APP: variants seen among roughly 807,000 people sequenced by gnomAD.
The protein encoded by APP is amyloid-beta precursor protein.
In APP, 31 loss-of-function variants were observed where a neutral mutation model predicts 101.4. The observed-to-expected ratio is 0.31, with a 90% CI of 0.23 to 0.41. The LOEUF is 0.41. APP is among the 10% of genes least tolerant of loss of function. The probability of loss-of-function intolerance (pLI) is 1.00; values close to 1 mark genes in which losing one functional copy is unlikely to be tolerated. For missense variants in APP, 839 were observed against 1,003.7 expected (o/e 0.84, Z 2.22); for synonymous variants, 366 against 364.4 (o/e 1.00, Z -0.05).
chr21:26,015,940 A>G (rs541907661), intron 6 of APP, among the ~76,000 whole-genome samples: 94 of 152,308 alleles, frequency 6.2e-4, no homozygotes, highest in Non-Finnish European at 1.1e-3. Context: ...GCCTAATAAA[A>G]CTTTTGTGTA....
At chr21:25,907,698 T>C (rs1010008993) in intron 14 of APP, among the ~76,000 whole-genome samples, 1 of 152,232 alleles carries the variant, frequency 6.6e-6, no homozygotes, top group South Asian at 2.1e-4. Context: ...ACTTCTGGTA[T>C]TCTTTGTAAT....
intron 6 of APP, among the ~76,000 whole-genome samples, chr21:26,004,717 T>C (rs1226373513): frequency 6.6e-6 from 1 of 152,194 alleles, no homozygotes; most frequent in African/African-American, 2.4e-5. Context: ...GTTTGTTACA[T>C]AGGTATACAT....
intron 11 of APP, among the ~76,000 whole-genome samples, chr21:25,960,740 CAAGCCTTTTCTTCCT>C (rs1194732751): frequency 6.6e-6 from 1 of 152,126 alleles, no homozygotes; most frequent in Non-Finnish European, 1.5e-5. Context: ...TACATAAACA[CAAGCCTTTTCTTCCT>C]AATGCCTATT....
At chr21:26,013,559 TTTAA>T (rs1320825477) in intron 6 of APP, among the ~76,000 whole-genome samples, 17 of 152,248 alleles carry the variant, frequency 1.1e-4, no homozygotes, top group Admixed American at 2.6e-4. Flanking sequence ...GTTTCTGGCC[TTTAA>T]TTAAATTGGA....
intron 13 of APP, among the ~76,000 whole-genome samples, chr21:25,953,837 G>C (rs936639877): frequency 3.9e-5 from 6 of 152,190 alleles, no homozygotes; most frequent in South Asian, 4.1e-4. Flanking sequence ...AAGACAGTGG[G>C]CACACAAGGT....
At chr21:26,055,137 T>C (rs2045988605) in intron 3 of APP, among the ~76,000 whole-genome samples, 1 of 152,152 alleles carries the variant, frequency 6.6e-6, no homozygotes, top group South Asian at 2.1e-4. Flanking sequence ...GCAAAAATTA[T>C]GAGACATGGT....
At position 25,892,248 on chromosome 21, in the gene APP, A is replaced by G. The variant is rs539383436; in HGVS notation, c.2065-380T>C. On this transcript the variant is annotated intron_variant, in intron 16 of 17. Coordinates refer to ENST00000346798, the MANE Select transcript of APP (RefSeq NM_000484.4). ...TGGTGGGAAGATAGCGCTTGGATCT[A>G]TCAAAAGCTGGAAAGGCACGATCAT... Among the ~76,000 whole-genome samples, 62 of 152,258 alleles carry G rather than the reference A, an allele frequency of 4.1e-4. 1 individual carries two copies. Among genetic ancestry groups the G allele is most frequent in the African/African-American group, 1.3e-3 (53 of 41,556 alleles).
intron 13 of APP, among the ~76,000 whole-genome samples, chr21:25,936,748 T>C (rs1227708572): frequency 6.6e-6 from 1 of 152,214 alleles, no homozygotes; most frequent in Non-Finnish European, 1.5e-5. Context: ...CAGTCTGTGG[T>C]ATTTTGGTAT....
chr21:25,982,438 T>G lies in APP; in HGVS notation c.1130A>C (p.Lys377Thr). 2 of 1,613,864 alleles carry G rather than the reference T, an allele frequency of 1.2e-6. No individual in the cohort carries two copies. Among genetic ancestry groups the G allele is most frequent in the Non-Finnish European group, 1.7e-6 (2 of 1,179,858 alleles). The change falls in exon 9 of 18, where the codon AAG (lysine) becomes ACG (threonine). Residue 377 changes from lysine (K) to threonine (T), a missense_variant. By Grantham distance (78) the Lys-to-Thr change is moderately conservative. Transcript: ENST00000346798. ...TAASTPDAVD[K>T]YLETPGDENE... is the part of the protein sequence containing the mutation. Reference sequence around the variant, plus strand: ...CTCATCCCCAGGTGTCTCGAGATACTTGTCAACGGCATCAGGGGTACTGGC... The same window carrying G: ...CTCATCCCCAGGTGTCTCGAGATACGTGTCAACGGCATCAGGGGTACTGGC...
rs903230735 is a variant in APP, at chr21:26,000,734, T to C, written c.866-552A>G. 2.6e-5 allele frequency among the ~76,000 whole-genome samples: 4 copies of C among 152,188 alleles called. No individual in the cohort carries two copies. In the East Asian group the frequency reaches 7.7e-4, roughly 29 times the overall value. ...TGGAAACACATGTCATATCTGTAAA[T>C]GTGACTTATACTCAATGACATTAAC... On this transcript the variant is annotated intron_variant, in intron 6 of 17. Coordinates refer to ENST00000346798, the MANE Select transcript of APP (RefSeq NM_000484.4).
At chr21:26,052,867 A>C (rs1459289788) in intron 4 of APP, among the ~76,000 whole-genome samples, 1 of 152,220 alleles carries the variant, frequency 6.6e-6, no homozygotes, top group African/African-American at 2.4e-5. Flanking sequence ...TAACTATTAG[A>C]GATTATATTT....
At chr21:26,002,385 T>TGA (rs202123731) in intron 6 of APP, among the ~76,000 whole-genome samples, 22 of 1,794 alleles carry the variant, frequency 0.012, no homozygotes, top group East Asian at 0.038. Flanking sequence ...ATTGACATTG[T>TGA]GGATCCCATC....
chr21:26,136,121 ACT>A (rs1157668162), intron 1 of APP, among the ~76,000 whole-genome samples: 1 of 135,528 alleles, frequency 7.4e-6, no homozygotes, highest in Admixed American at 8.0e-5. Context: ...ACAGAGTGAG[ACT>A]CTGTCTCAAA....
intron 6 of APP, among the ~76,000 whole-genome samples, chr21:26,017,172 C>G (rs1463946297): frequency 8.7e-6 from 1 of 115,244 alleles, no homozygotes; most frequent in African/African-American, 3.6e-5. Context: ...ACACTCCAGC[C>G]TGGGTGACAG....
At chr21:26,166,584 T>C (rs2063615151) in intron 1 of APP, among the ~76,000 whole-genome samples, 1 of 152,114 alleles carries the variant, frequency 6.6e-6, no homozygotes. Context: ...ACAAAGCCAG[T>C]TGAGATCTTT....
intron 16 of APP, 109 bp from the exon 17 acceptor site, chr21:25,891,977 A>T: frequency 1.8e-6 from 2 of 1,121,466 alleles, no homozygotes; most frequent in Non-Finnish European, 2.5e-6. Context: ...GGACATTTGG[A>T]TGAGGTTATA....
chr21:26,135,949 C>A (rs1356387605), intron 1 of APP, among the ~76,000 whole-genome samples: 2 of 151,502 alleles, frequency 1.3e-5, no homozygotes, highest in East Asian at 3.9e-4. Context: ...CTGAACAACA[C>A]AGTGAAACCC....
At chr21:25,935,201 G>A (rs2146409894) in intron 13 of APP, 1 of 152,274 alleles carries the variant, frequency 6.6e-6, no homozygotes, top group South Asian at 2.1e-4. Flanking sequence ...TGTTGTACCT[G>A]TGTCACAACT....
chr21:26,139,013 C>A (rs1027497484), intron 1 of APP, among the ~76,000 whole-genome samples: 1 of 151,964 alleles, frequency 6.6e-6, no homozygotes, highest in African/African-American at 2.4e-5. Flanking sequence ...GTTACACTTT[C>A]GTATATATCA....
Sources: gnomAD v4.1 joint callset for allele counts (sites outside exome capture counted in the v4.1 genomes callset) on GRCh38, gnomAD v4.1.1 for gene constraint, MANE v1.5 for transcripts, NCBI Gene and HGNC (gene_info 2026-07-23, HGNC 2026-07-21) for gene names.